Variants in MCC observed in about 807,000 individuals in gnomAD.
The protein encoded by MCC is MCC regulator of Wnt signaling pathway.
Under a neutral mutation model 116.2 loss-of-function variants are expected in MCC, and 90 were observed. The ratio of observed to expected loss-of-function variants is 0.77; its 90% CI spans 0.65 to 0.92. The LOEUF (loss-of-function observed/expected upper bound fraction) is 0.92. Ranked by LOEUF, MCC falls within the 40% of genes least tolerant of loss-of-function variation. MCC has a pLI of 0.00. For missense variants in MCC, 1,516 were observed against 1,312.2 expected (o/e 1.16, Z -2.40); for synonymous variants, 578 against 510.5 (o/e 1.13, Z -1.78).
chr5:113,417,916 G>T (rs1770202181), intron 1 of MCC, among the ~76,000 whole-genome samples: 1 of 150,544 alleles, frequency 6.6e-6, no homozygotes, highest in Non-Finnish European at 1.5e-5. Context: ...CTGGGTGACA[G>T]AGTGAGACAC....
chr5:113,289,416 TA>T (rs1196489528), intron 3 of MCC, among the ~76,000 whole-genome samples: 2 of 152,186 alleles, frequency 1.3e-5, no homozygotes, highest in East Asian at 3.9e-4. Context: ...GGAGTGGGTT[TA>T]AATTGGTTGC....
chr5:113,109,631 G>A (rs1756964706), intron 6 of MCC, among the ~76,000 whole-genome samples: 4 of 152,102 alleles, frequency 2.6e-5, no homozygotes, highest in Admixed American at 2.6e-4. Flanking sequence ...GATTACCATG[G>A]TAAATTTCAT....
intron 11 of MCC, among the ~76,000 whole-genome samples, chr5:113,073,468 T>C (rs1435386108): frequency 6.6e-6 from 1 of 152,184 alleles, no homozygotes; most frequent in East Asian, 1.9e-4. Context: ...CTAATTACAC[T>C]TCGAATAAAG....
intron 3 of MCC, among the ~76,000 whole-genome samples, chr5:113,262,068 G>A (rs749653769): frequency 1.3e-5 from 2 of 151,918 alleles, no homozygotes; most frequent in South Asian, 2.1e-4. Context: ...TTTCATGAAC[G>A]TCCTAAGAGC....
intron 5 of MCC, among the ~76,000 whole-genome samples, chr5:113,134,214 T>A (rs555297127): frequency 6.6e-6 from 1 of 152,314 alleles, no homozygotes; most frequent in Admixed American, 6.5e-5. Flanking sequence ...TCAGGTCTTA[T>A]GTCTAGGTTT....
chr5:113,291,286 G>A (rs1182920979), intron 3 of MCC, among the ~76,000 whole-genome samples: 1 of 152,106 alleles, frequency 6.6e-6, no homozygotes, highest in Non-Finnish European at 1.5e-5. Flanking sequence ...AGCATTCCTG[G>A]AGTACTAGGT....
rs2227948 is a variant in MCC at position 113,043,592 on chromosome 5, G to A, written c.2694C>T (p.Ala898=). 0.51 allele frequency: 828,153 copies of A among 1,612,928 alleles called. 214,622 individuals carry two copies. The highest frequency in any genetic ancestry group is 0.66 in the East Asian group (29,449 of 44,828). The change falls in exon 17 of 19, where the codon GCC becomes GCT. Residue 898 remains alanine (A), a synonymous_variant. Coordinates refer to ENST00000408903, the MANE Select transcript of MCC (RefSeq NM_001085377.2). ...TCTCGCTGCACGTTGTCCTGAGTTC[G>A]GCTAGGGACAGAGCTGGGGAGGCAG... The part of the protein sequence containing the change: ...ADAASPALSL[A]ELRTTCSENE...
chr5:113,288,979 G>A (rs1766374553), intron 3 of MCC, among the ~76,000 whole-genome samples: 1 of 152,130 alleles, frequency 6.6e-6, no homozygotes, highest in Admixed American at 6.5e-5. Context: ...AAAATGAACA[G>A]CTATAAAGCA....
intron 3 of MCC, among the ~76,000 whole-genome samples, chr5:113,206,435 C>G (rs1762912353): frequency 6.6e-6 from 1 of 152,184 alleles, no homozygotes; most frequent in South Asian, 2.1e-4. Context: ...ATTTTTCGGG[C>G]CGGGCCCAGT....
intron 3 of MCC, among the ~76,000 whole-genome samples, chr5:113,167,776 G>A (rs1357364770): frequency 6.6e-6 from 1 of 152,070 alleles, no homozygotes; most frequent in East Asian, 1.9e-4. Context: ...GACTACAGGT[G>A]TGTGCCACCA....
chr5:113,099,335 T>C (rs1756249468), intron 8 of MCC, among the ~76,000 whole-genome samples: 1 of 152,220 alleles, frequency 6.6e-6, no homozygotes, highest in South Asian at 2.1e-4. Flanking sequence ...TGTCTATGTG[T>C]GCAGGCCTGT....
Position 113,168,445 on chromosome 5 carries a change from T to C in MCC, c.628-17023A>G, listed in dbSNP as rs558189207. On this transcript the variant is annotated intron_variant, in intron 3 of 18. Transcript: ENST00000408903. ...CCCCCATTACATTTATGGAGAAAGA[T>C]TTTCACATACTTTTTATTAAAAACT... Among the ~76,000 whole-genome samples the C allele has an allele frequency of 3.3e-5, 5 of 152,310 alleles. No homozygotes were observed. The South Asian group carries it at 1.0e-3, about 32-fold the overall frequency.
At chr5:113,082,748 T>C (rs1754944502) in intron 11 of MCC, 112 bp downstream of exon 11, 1 of 1,318,294 alleles carries the variant, frequency 7.6e-7, no homozygotes, top group Middle Eastern at 2.5e-4. Flanking sequence ...AGCCTGACGG[T>C]ACTGCTCTAT....
At chr5:113,242,458 G>GA (rs58596466) in intron 3 of MCC, among the ~76,000 whole-genome samples, 4,381 of 151,358 alleles carry the variant, frequency 0.029, 163 homozygotes, top group African/African-American at 0.086. Flanking sequence ...AAATTAACTG[G>GA]AAAAAAAATT....
chr5:113,092,711 G>A (rs1407607200), intron 8 of MCC, among the ~76,000 whole-genome samples: 3 of 152,306 alleles, frequency 2.0e-5, no homozygotes, highest in Non-Finnish European at 4.4e-5. Flanking sequence ...AAGTACAAGA[G>A]CTGACACTGA....
In MCC at chr5:113,257,541, G is replaced by A. The variant is rs1189920859; in HGVS notation, c.627+82978C>T. On this transcript the variant is annotated intron_variant, in intron 3 of 18. Transcript: ENST00000408903. ...AGACTGAGAAGCCTATTAAATAAGG[G>A]GTCTTTGTTGACCTTGGAGAGAGAA... is the stretch of plus-strand genomic sequence containing the variant. Among the ~76,000 whole-genome samples, 4 of 152,110 alleles carry A rather than the reference G, an allele frequency of 2.6e-5. No individual in the cohort carries two copies. The East Asian group carries it at 5.8e-4, about 22-fold the overall frequency.
At chr5:113,077,144 C>G (rs1581002790) in intron 11 of MCC, among the ~76,000 whole-genome samples, 1 of 152,136 alleles carries the variant, frequency 6.6e-6, no homozygotes, top group Admixed American at 6.5e-5. Flanking sequence ...CAGGAGCACC[C>G]AGATTCATAA....
intron 14 of MCC, among the ~76,000 whole-genome samples, chr5:113,056,214 C>T (rs185007544): frequency 6.6e-6 from 1 of 152,226 alleles, no homozygotes; most frequent in East Asian, 1.9e-4. Context: ...TCCCTGTCTT[C>T]TCATCTCTAA....
At chr5:113,091,204 T>C (rs753312773) in intron 8 of MCC, among the ~76,000 whole-genome samples, 8 of 152,234 alleles carry the variant, frequency 5.3e-5, no homozygotes, top group Non-Finnish European at 1.2e-4. Context: ...AAATTTATAC[T>C]ATCTGCATAC....
Sources: gnomAD v4.1 joint callset for allele counts (sites outside exome capture counted in the v4.1 genomes callset) on GRCh38, gnomAD v4.1.1 for gene constraint, MANE v1.5 for transcripts, NCBI Gene and HGNC (gene_info 2026-07-23, HGNC 2026-07-21) for gene names.